The following PLA2R1 variants were observed in gnomAD, a reference collection of about 807,000 sequenced individuals.
The protein encoded by PLA2R1 is secretory phospholipase A2 receptor.
PLA2R1 carries 158 observed loss-of-function variants against 195.9 expected under a neutral mutation model. That is an observed-to-expected ratio of 0.81 (90% CI 0.71 to 0.92). The LOEUF is 0.92. Ranked by LOEUF, PLA2R1 falls within the 40% of genes least tolerant of loss-of-function variation. PLA2R1 has a pLI of 0.00. For synonymous variants in PLA2R1, 586 were observed against 598.2 expected, an observed-to-expected ratio of 0.98 and a Z score of 0.30; for missense variants, 1,626 against 1,764.6, an observed-to-expected ratio of 0.92 and a Z score of 1.41.
chr2:160,042,981 G>A (rs1376726260), intron 2 of PLA2R1, among the ~76,000 whole-genome samples: 1 of 151,974 alleles, frequency 6.6e-6, no homozygotes, highest in Non-Finnish European at 1.5e-5. Flanking sequence ...TGACCTGAGA[G>A]TGCAGGTCTT....
downstream of PLA2R1, among the ~76,000 whole-genome samples, chr2:159,930,584 C>T (rs904719310): frequency 2.6e-5 from 4 of 152,080 alleles, no homozygotes; most frequent in Non-Finnish European, 4.4e-5. Context: ...TACTCAAAGT[C>T]GGAGTCAGAC....
Position 159,942,178 on chromosome 2 carries a change from A to G in PLA2R1, c.4145-19T>C. On this transcript the variant is annotated intron_variant, in intron 28 of 29. Transcript: ENST00000283243. ...TGAATATCTAAAATCAAATACAAAAATTAAAATGAGGTTTTTCTTTTAATT... is the reference window on the plus strand; with the variant it reads ...TGAATATCTAAAATCAAATACAAAAGTTAAAATGAGGTTTTTCTTTTAATT... The G allele has an allele frequency of 6.2e-7, 1 of 1,601,428 alleles. No individual in the cohort carries two copies. Among genetic ancestry groups the G allele is most frequent in the Non-Finnish European group, 8.5e-7 (1 of 1,170,438 alleles).
chr2:160,022,946 A>T, intron 6 of PLA2R1, 87 bp from the exon 7 acceptor site: 4 of 895,190 alleles, frequency 4.5e-6, no homozygotes, highest in Non-Finnish European at 6.8e-6. Context: ...CATTAATATG[A>T]TTACTTTAAA....
intron 13 of PLA2R1, among the ~76,000 whole-genome samples, chr2:159,980,145 G>A (rs1574723486): frequency 6.6e-6 from 1 of 152,160 alleles, no homozygotes; most frequent in South Asian, 2.1e-4. Context: ...AAGTCAACAA[G>A]CATTGAACAT....
At chr2:160,014,387 T>C (rs564370879) in intron 9 of PLA2R1, among the ~76,000 whole-genome samples, 5 of 152,220 alleles carry the variant, frequency 3.3e-5, no homozygotes, top group African/African-American at 1.2e-4. Flanking sequence ...TCCTTTGAAA[T>C]CATGCAGTAC....
intron 12 of PLA2R1, among the ~76,000 whole-genome samples, chr2:159,984,421 T>C (rs1168706748): frequency 2.6e-5 from 4 of 152,200 alleles, no homozygotes; most frequent in African/African-American, 9.6e-5. Flanking sequence ...CAAGAGAGGT[T>C]AAGAATTTTA....
rs1686937076 is a variant in PLA2R1 at position 159,938,555 on chromosome 2, G to T, written c.*3223C>A. The T allele has an allele frequency of 6.6e-6, 1 of 152,474 alleles. No homozygotes were observed. The highest frequency in any genetic ancestry group is 2.4e-5 in the African/African-American group (1 of 41,458). 9.4% of individuals were successfully genotyped at this position (152,474 alleles called of 1,614,324 possible). A position where few individuals can be genotyped will look rare whatever the true frequency, so the allele number is the denominator to read the frequency against. ...CAGGAGACACAGCCAGTTCTCAAGA[G>T]ATAAGACAGCACCAGGGACAGCCAG... On this transcript the variant is annotated 3_prime_UTR_variant, in exon 30 of 30. Transcript: ENST00000283243.
intron 2 of PLA2R1, among the ~76,000 whole-genome samples, chr2:160,043,170 C>T (rs1298564966): frequency 6.6e-6 from 1 of 152,094 alleles, no homozygotes; most frequent in African/African-American, 2.4e-5. Context: ...GGCCTCTACC[C>T]TGAGGGTGGG....
At chr2:159,977,762 C>G (rs1268316753) in intron 14 of PLA2R1, among the ~76,000 whole-genome samples, 1 of 151,864 alleles carries the variant, frequency 6.6e-6, no homozygotes, top group African/African-American at 2.4e-5. Context: ...ACGGTGAAAC[C>G]CCATCTCTAC....
chr2:159,976,991 T>G (rs1689606637), intron 15 of PLA2R1, among the ~76,000 whole-genome samples: 1 of 152,238 alleles, frequency 6.6e-6, no homozygotes, highest in Admixed American at 6.5e-5. Context: ...TTACTCATTG[T>G]GCAAGTAATT....
chr2:159,944,993 G>A lies in PLA2R1; in HGVS notation c.4057C>T (p.His1353Tyr), dbSNP rs1687292370. 3 of 1,613,622 alleles carry A rather than the reference G, an allele frequency of 1.9e-6. No homozygotes were observed. Among genetic ancestry groups the A allele is most frequent in the East Asian group, 2.2e-5 (1 of 44,852 alleles). Residue 1353 changes from histidine to tyrosine, a missense_variant, in exon 28 of 30, where the codon CAT becomes TAT. His to Tyr is a moderately conservative substitution (Grantham distance 83). Coordinates refer to ENST00000283243, the MANE Select transcript of PLA2R1 (RefSeq NM_007366.5). ...KPDTDYFKPHHCVALRIPEGL... is the reference protein window; with the variant it reads ...KPDTDYFKPHYCVALRIPEGL... ...TCAGGGATCCTCAAGGCAACACAAT[G>A]ATGGGGCTTGAAGTAGTCTGTGTCT...
intron 29 of PLA2R1, 60 bp downstream of exon 29, chr2:159,942,067 T>C: frequency 6.4e-7 from 1 of 1,571,108 alleles, no homozygotes; most frequent in Non-Finnish European, 8.7e-7. Context: ...GTCATACAGC[T>C]GCTTTCTATC....
intron 8 of PLA2R1, among the ~76,000 whole-genome samples, chr2:160,018,356 T>C (rs1692896961): frequency 6.6e-6 from 1 of 152,138 alleles, no homozygotes; most frequent in South Asian, 2.1e-4. Flanking sequence ...GAATAAACTG[T>C]GGTGGGCCAG....
chr2:160,007,458 C>T (rs1359415607), intron 10 of PLA2R1, among the ~76,000 whole-genome samples: 4 of 152,188 alleles, frequency 2.6e-5, no homozygotes, highest in African/African-American at 9.7e-5. Context: ...TAAAATCCCC[C>T]GAGGCCTTAG....
Position 159,984,007 on chromosome 2 carries a change from A to T in PLA2R1, c.2104T>A (p.Phe702Ile). The T allele has an allele frequency of 6.2e-7, 1 of 1,600,590 alleles. No individual in the cohort carries two copies. Among genetic ancestry groups the T allele is most frequent in the Non-Finnish European group, 8.6e-7 (1 of 1,168,220 alleles). Residue 702 changes from phenylalanine to isoleucine, a missense_variant, in exon 13 of 30, where the codon TTT becomes ATT. Coordinates refer to ENST00000283243, the MANE Select transcript of PLA2R1 (RefSeq NM_007366.5). Reference sequence around the variant, plus strand: ...GCAAAGCTTGCAAGATGAGCTCCAAATTCTTCGCAAAATGCTTCAGCTTCT... The same window carrying T: ...GCAAAGCTTGCAAGATGAGCTCCAATTTCTTCGCAAAATGCTTCAGCTTCT... Reference protein sequence around the residue: ...WREAEAFCEEFGAHLASFAHI... With the variant: ...WREAEAFCEEIGAHLASFAHI...
At chr2:159,924,282 C>G in the PLA2R1 span, among the ~76,000 whole-genome samples, 1 of 152,198 alleles carries the variant, frequency 6.6e-6, no homozygotes, top group East Asian at 1.9e-4. Context: ...TTCCTCATCT[C>G]AACATCCTTA....
chr2:160,014,940 G>A (rs1452146511), intron 9 of PLA2R1, among the ~76,000 whole-genome samples: 2 of 152,158 alleles, frequency 1.3e-5, no homozygotes, highest in Middle Eastern at 3.4e-3. Context: ...TGACCTTTCC[G>A]ATAATGTATT....
chr2:160,014,568 T>A (rs977992721), intron 9 of PLA2R1, among the ~76,000 whole-genome samples: 2 of 152,252 alleles, frequency 1.3e-5, no homozygotes, highest in African/African-American at 4.8e-5. Flanking sequence ...TCACCAGTTT[T>A]AAAACACTCT....
chr2:159,970,140 G>T lies in PLA2R1; in HGVS notation c.2660+8C>A. ...CAAAATTAAATGCAAATGAATCTAGGTTCATACCGAAATTCATCATTGGCT... is the reference window on the plus strand; with the variant it reads ...CAAAATTAAATGCAAATGAATCTAGTTTCATACCGAAATTCATCATTGGCT... On this transcript the variant is annotated splice_region_variant and intron_variant, in intron 18 of 29. Coordinates refer to ENST00000283243, the MANE Select transcript of PLA2R1 (RefSeq NM_007366.5). The T allele has an allele frequency of 1.9e-6, 3 of 1,575,284 alleles. No homozygotes were observed. Among genetic ancestry groups the T allele is most frequent in the Non-Finnish European group, 2.6e-6 (3 of 1,148,480 alleles).
Sources: allele counts gnomAD v4.1 joint callset (sites outside exome capture counted in the v4.1 genomes callset), GRCh38; gene constraint gnomAD v4.1.1; transcripts MANE v1.5; gene names NCBI Gene and HGNC (gene_info 2026-07-23, HGNC 2026-07-21).